TENM4: variants seen among roughly 807,000 people sequenced by gnomAD.
The protein encoded by TENM4 is teneurin transmembrane protein 4.
TENM4 carries 82 observed loss-of-function variants against 243.3 expected under a neutral mutation model. The ratio of observed to expected loss-of-function variants is 0.34; its 90% CI spans 0.28 to 0.40. The LOEUF (loss-of-function observed/expected upper bound fraction) is 0.40, where lower values mean the gene tolerates loss of function less well. Among genes scored for constraint, TENM4 ranks in the 10% least tolerant of loss-of-function variants. The pLI is 1.00. For missense variants in TENM4, 3,138 were observed against 3,673.3 expected, an observed-to-expected ratio of 0.85 and a Z score of 3.77; for synonymous variants, 1,412 against 1,456.3, an observed-to-expected ratio of 0.97 and a Z score of 0.69.
At chr11:78,727,226 A>G (rs920342984) in intron 22 of TENM4, among the ~76,000 whole-genome samples, 1 of 152,218 alleles carries the variant, frequency 6.6e-6, no homozygotes, top group African/African-American at 2.4e-5. Flanking sequence ...AGGCGGGCGG[A>G]TCACGAGGTC....
chr11:78,766,182 G>A (rs1856536466), intron 18 of TENM4, among the ~76,000 whole-genome samples: 1 of 152,174 alleles, frequency 6.6e-6, no homozygotes, highest in Non-Finnish European at 1.5e-5. Context: ...GCCAGGAGTT[G>A]AATCCAGATA....
chr11:79,050,573 C>T (rs1281725886), intron 6 of TENM4, among the ~76,000 whole-genome samples: 1 of 152,346 alleles, frequency 6.6e-6, no homozygotes, highest in East Asian at 1.9e-4. Context: ...TCTTTACAAG[C>T]AGCTGGAATT....
At chr11:78,830,076 G>A (rs894342678) in intron 12 of TENM4, among the ~76,000 whole-genome samples, 1 of 152,208 alleles carries the variant, frequency 6.6e-6, no homozygotes, top group African/African-American at 2.4e-5. Flanking sequence ...ACGTATTGGG[G>A]CTGCTGAATC....
At chr11:78,830,842 C>T (rs991716968) in intron 12 of TENM4, among the ~76,000 whole-genome samples, 7 of 152,116 alleles carry the variant, frequency 4.6e-5, no homozygotes, top group Non-Finnish European at 1.0e-4. Context: ...AATATTTGAC[C>T]TCTCATTCAT....
intron 12 of TENM4, among the ~76,000 whole-genome samples, chr11:78,823,123 G>A (rs1314100283): frequency 6.6e-6 from 1 of 152,190 alleles, no homozygotes; most frequent in East Asian, 1.9e-4. Flanking sequence ...CACACACCAA[G>A]TACTGGGGAG....
chr11:79,091,951 C>T (rs576629197), intron 4 of TENM4, among the ~76,000 whole-genome samples: 68 of 152,146 alleles, frequency 4.5e-4, no homozygotes, highest in African/African-American at 1.6e-3. Context: ...CCTCCAGGAG[C>T]TTCCTTAGAT....
At chr11:78,898,800 C>T (rs1402729945) in intron 7 of TENM4, among the ~76,000 whole-genome samples, 7 of 152,150 alleles carry the variant, frequency 4.6e-5, no homozygotes, top group African/African-American at 1.7e-4. Flanking sequence ...CTGTACTTTT[C>T]TCTATCAAAG....
intron 1 of TENM4, among the ~76,000 whole-genome samples, chr11:79,383,292 T>A (rs574252): frequency 1.3e-5 from 2 of 152,004 alleles, no homozygotes; most frequent in African/African-American, 4.8e-5. Context: ...TGCTCTCTTT[T>A]GGCTTCAGAA....
chr11:78,887,654 G>T (rs942636331), intron 9 of TENM4, among the ~76,000 whole-genome samples: 1 of 152,174 alleles, frequency 6.6e-6, no homozygotes, highest in South Asian at 2.1e-4. Context: ...TATTCTAAGT[G>T]GTCCCTGAGC....
At chr11:79,165,806 G>A (rs1226020906) in intron 3 of TENM4, among the ~76,000 whole-genome samples, 1 of 152,108 alleles carries the variant, frequency 6.6e-6, no homozygotes, top group Non-Finnish European at 1.5e-5. Context: ...ATCTTGTGTT[G>A]ATTTTTGTAT....
intron 2 of TENM4, among the ~76,000 whole-genome samples, chr11:79,293,956 C>T (rs1856402576): frequency 6.6e-6 from 1 of 152,192 alleles, no homozygotes; most frequent in Admixed American, 6.5e-5. Flanking sequence ...CCAGGCATCC[C>T]CAGTTTTGCA....
chr11:79,050,815 C>T (rs769078198), intron 6 of TENM4, among the ~76,000 whole-genome samples: 2 of 152,200 alleles, frequency 1.3e-5, no homozygotes, highest in Non-Finnish European at 1.5e-5. Context: ...GGGAGAGTTT[C>T]TTCCAGAAGA....
rs182200649 is a variant in TENM4, at chr11:78,704,218, A to G, written c.4210-1815T>C. Among the ~76,000 whole-genome samples the G allele has an allele frequency of 8.4e-3, 1,179 of 140,368 alleles. 7 individuals are homozygous for G. Among genetic ancestry groups the G allele is most frequent in the Non-Finnish European group, 0.013 (883 of 65,918 alleles). 92.1% of individuals were successfully genotyped at this position (140,368 alleles called of 152,430 possible). A position where few individuals can be genotyped will look rare whatever the true frequency, so the allele number is the denominator to read the frequency against. On this transcript the variant is annotated intron_variant, in intron 27 of 33. Coordinates refer to ENST00000278550, the MANE Select transcript of TENM4 (RefSeq NM_001098816.3). Reference sequence around the variant, plus strand: ...ATTTGTAGAGACAGGGCTTTGCTATATTACCCAGGCTGGTATCAAACTCCT... The same window carrying G: ...ATTTGTAGAGACAGGGCTTTGCTATGTTACCCAGGCTGGTATCAAACTCCT...
chr11:78,706,842 G>A (rs185241261), intron 27 of TENM4, among the ~76,000 whole-genome samples: 49 of 146,926 alleles, frequency 3.3e-4, no homozygotes, highest in African/African-American at 1.2e-3. Flanking sequence ...GCTTCCTGAC[G>A]GGTAATTCAA....
intron 6 of TENM4, among the ~76,000 whole-genome samples, chr11:79,009,487 A>G (rs1449235060): frequency 6.6e-6 from 1 of 152,184 alleles, no homozygotes; most frequent in Non-Finnish European, 1.5e-5. Flanking sequence ...ACCTGCGACT[A>G]GAGTCCAAGG....
intron 1 of TENM4, among the ~76,000 whole-genome samples, chr11:79,360,853 C>A (rs1328093494): frequency 1.3e-5 from 2 of 152,090 alleles, no homozygotes; most frequent in Non-Finnish European, 2.9e-5. Context: ...AAATATCAAC[C>A]CATCATGTCT....
chr11:79,223,683 C>A (rs1299412008), intron 2 of TENM4, among the ~76,000 whole-genome samples: 1 of 152,174 alleles, frequency 6.6e-6, no homozygotes, highest in Non-Finnish European at 1.5e-5. Flanking sequence ...TCCAGCTAAA[C>A]CACAGTGTTT....
chr11:78,770,870 G>A (rs896305121), intron 18 of TENM4, 122 bp downstream of exon 18: 10 of 1,353,244 alleles, frequency 7.4e-6, no homozygotes, highest in African/African-American at 2.9e-5. Context: ...TGCTTGCCCC[G>A]CAGGTCCCCC....
chr11:78,777,219 A>G (rs1009980647), intron 17 of TENM4, among the ~76,000 whole-genome samples: 3 of 152,172 alleles, frequency 2.0e-5, no homozygotes, highest in Non-Finnish European at 4.4e-5. Flanking sequence ...GCTAGGAAGT[A>G]CTACTCTTTC....
Sources: gnomAD v4.1 joint callset for allele counts (sites outside exome capture counted in the v4.1 genomes callset) on GRCh38, gnomAD v4.1.1 for gene constraint, MANE v1.5 for transcripts, NCBI Gene and HGNC (gene_info 2026-07-23, HGNC 2026-07-21) for gene names.